Variants in MEIOB observed in about 807,000 individuals in gnomAD.
MEIOB encodes the protein meiosis specific with OB-fold.
In MEIOB, 50 loss-of-function variants were observed where a neutral mutation model predicts 53.1. That is an observed-to-expected ratio of 0.94 (90% CI 0.75 to 1.19). The LOEUF is 1.19. MEIOB is among the 50% of genes most tolerant of loss of function. The pLI, the probability that MEIOB is intolerant of heterozygous loss-of-function variation, is 0.00. For synonymous variants in MEIOB, 192 were observed against 182.5 expected, an observed-to-expected ratio of 1.05 and a Z score of -0.42; for missense variants, 551 against 550.8, an observed-to-expected ratio of 1.00 and a Z score of 0.00.
intron 13 of MEIOB, among the ~76,000 whole-genome samples, chr16:1,835,710 G>A (rs529989946): frequency 2.6e-5 from 4 of 152,136 alleles, no homozygotes; most frequent in Non-Finnish European, 5.9e-5. Context: ...ACAGTGATTC[G>A]AATGACCCTG....
At chr16:1,840,785 C>T (rs1483067079) in intron 11 of MEIOB, among the ~76,000 whole-genome samples, 10 of 151,978 alleles carry the variant, frequency 6.6e-5, no homozygotes, top group Non-Finnish European at 1.2e-4. Flanking sequence ...CTCCTGACCT[C>T]GTGATCCACC....
chr16:1,841,862 AG>A lies in MEIOB; in HGVS notation c.991del (p.Leu331SerfsTer10), dbSNP rs748407866. ...YGILYAYIST[L>X]NIDDETTKVV... is the part of the protein sequence containing the mutation. ...TTTTGTAGTTTCATCATCAATGTTG[AG>A]TGTGGAAATGTAGGCATAAAGGATG... On this transcript the variant is annotated frameshift_variant, in exon 11 of 14. Coordinates refer to ENST00000325962, the MANE Select transcript of MEIOB (RefSeq NM_001163560.3). LOFTEE classifies it high-confidence loss of function. 2 of 1,603,294 alleles carry A rather than the reference AG, an allele frequency of 1.2e-6. No individual in the cohort carries two copies. The highest frequency in any genetic ancestry group is 1.7e-6 in the Non-Finnish European group (2 of 1,175,712).
rs112623793 is a variant in MEIOB at position 1,859,268 on chromosome 16, G to A, written c.332+1135C>T. The stretch of plus-strand genomic sequence containing the variant: ...AGAAAATACAAAAGTTTGGCCAGGC[G>A]CGGTGGCTCACGCCTGTAATCCCAG... On this transcript the variant is annotated intron_variant, in intron 5 of 13. Transcript: ENST00000325962. Among the ~76,000 whole-genome samples the A allele has an allele frequency of 2.8e-3, 425 of 152,324 alleles. 3 individuals carry two copies. The highest frequency in any genetic ancestry group is 9.5e-3 in the African/African-American group (395 of 41,578).
intron 5 of MEIOB, among the ~76,000 whole-genome samples, chr16:1,859,028 G>C (rs1899378260): frequency 6.6e-6 from 1 of 152,172 alleles, no homozygotes; most frequent in Non-Finnish European, 1.5e-5. Context: ...CATATGTGAG[G>C]GGGAGACCCA....
intron 1 of MEIOB, among the ~76,000 whole-genome samples, chr16:1,871,519 CTTT>C (rs71148106): frequency 4.3e-3 from 170 of 39,786 alleles, no homozygotes; most frequent in African/African-American, 0.017. Context: ...GCGCCCGGCC[CTTT>C]TTTTTTTTTT....
At chr16:1,834,949 C>CA (rs1898701617) in intron 13 of MEIOB, among the ~76,000 whole-genome samples, 1 of 142,486 alleles carries the variant, frequency 7.0e-6, no homozygotes, top group Non-Finnish European at 1.5e-5. Context: ...CACCCCCCCC[C>CA]ACTAAAAAAA....
intron 3 of MEIOB, among the ~76,000 whole-genome samples, 198 bp downstream of exon 3, chr16:1,865,580 T>TAG (rs1899573302): frequency 6.6e-6 from 1 of 151,068 alleles, no homozygotes; most frequent in Non-Finnish European, 1.5e-5. Flanking sequence ...TATACATATA[T>TAG]ATAGAGAGAG....
intron 6 of MEIOB, among the ~76,000 whole-genome samples, chr16:1,856,629 T>C (rs776602252): frequency 6.6e-6 from 1 of 152,028 alleles, no homozygotes; most frequent in African/African-American, 2.4e-5. Flanking sequence ...ACCCAGCTAA[T>C]TTTTGTATTT....
intron 4 of MEIOB, 129 bp downstream of exon 4, chr16:1,861,856 A>G: frequency 2.0e-6 from 2 of 986,392 alleles, no homozygotes; most frequent in Non-Finnish European, 2.9e-6. Flanking sequence ...TTAACACTTG[A>G]CTTTTTCTGA....
intron 9 of MEIOB, among the ~76,000 whole-genome samples, chr16:1,849,959 T>G (rs936507516): frequency 6.6e-6 from 1 of 152,240 alleles, no homozygotes; most frequent in Non-Finnish European, 1.5e-5. Flanking sequence ...GTGTATAAAA[T>G]GTATTCAATT....
At chr16:1,856,314 C>T (rs1899301747) in intron 6 of MEIOB, among the ~76,000 whole-genome samples, 1 of 109,810 alleles carries the variant, frequency 9.1e-6, no homozygotes, top group Admixed American at 1.0e-4. Flanking sequence ...TGTCACCATG[C>T]CCAGCTAATT....
chr16:1,871,272 C>T (rs9935513), intron 1 of MEIOB, among the ~76,000 whole-genome samples: 120,662 of 146,486 alleles, frequency 0.82, 49,899 homozygotes, highest in Middle Eastern at 0.9. Context: ...CAGGCTGGAG[C>T]GCAGTGGCGC....
intron 4 of MEIOB, among the ~76,000 whole-genome samples, chr16:1,861,231 T>C (rs1156531406): frequency 6.6e-6 from 1 of 152,230 alleles, no homozygotes; most frequent in Non-Finnish European, 1.5e-5. Flanking sequence ...GTCAAAGAGA[T>C]ACTGGGGTGA....
At chr16:1,839,043 T>C (rs1898826200) in intron 12 of MEIOB, among the ~76,000 whole-genome samples, 2 of 152,216 alleles carry the variant, frequency 1.3e-5, no homozygotes, top group African/African-American at 4.8e-5. Flanking sequence ...CAGTCATTAC[T>C]CATAATAGTA....
At chr16:1,854,433 TG>T (rs1899247150) in intron 6 of MEIOB, among the ~76,000 whole-genome samples, 1 of 152,346 alleles carries the variant, frequency 6.6e-6, no homozygotes, top group South Asian at 2.1e-4. Flanking sequence ...GACAGGTGCT[TG>T]AAGTAGAGAC....
chr16:1,863,246 G>C (rs1232708557), intron 3 of MEIOB, among the ~76,000 whole-genome samples: 1 of 152,006 alleles, frequency 6.6e-6, no homozygotes, highest in Admixed American at 6.6e-5. Context: ...CTGGAGTTCA[G>C]TGACGCGATC....
In MEIOB at chr16:1,868,130, G is replaced by C; in HGVS notation, c.46C>G (p.Leu16Val). Residue 16 changes from leucine to valine, a missense_variant, in exon 2 of 14, where the codon CTG (leucine) becomes GTG (valine). By Grantham distance (32) the Leu-to-Val change is conservative. Coordinates refer to ENST00000325962, the MANE Select transcript of MEIOB (RefSeq NM_001163560.3). ...ACCAGATTAGCCATATTTGTCTGCA[G>C]ATCTGAAAGGGTAGTGAAAATCCTC... The part of the protein sequence containing the change: ...AARIFTTLSD[L>V]QTNMANLKVI... 1 of 1,533,222 alleles carries C rather than the reference G, an allele frequency of 6.5e-7. No individual in the cohort carries two copies. Among genetic ancestry groups the C allele is most frequent in the South Asian group, 1.2e-5 (1 of 81,384 alleles). 95.0% of individuals were successfully genotyped at this position (1,533,222 alleles called of 1,614,324 possible). A position where few individuals can be genotyped will look rare whatever the true frequency, so the allele number is the denominator to read the frequency against.
chr16:1,865,715 C>T, intron 3 of MEIOB, 63 bp downstream of exon 3: 1 of 1,193,738 alleles, frequency 8.4e-7, no homozygotes, highest in Non-Finnish European at 1.2e-6. Context: ...CTTCAATATA[C>T]TTTGTTGTAG....
At chr16:1,867,741 G>T (rs1415099895) in intron 2 of MEIOB, among the ~76,000 whole-genome samples, 1 of 151,590 alleles carries the variant, frequency 6.6e-6, no homozygotes, top group Non-Finnish European at 1.5e-5. Flanking sequence ...CAAAGTGCTG[G>T]GATTACAGAC....
Sources: allele counts gnomAD v4.1 joint callset (sites outside exome capture counted in the v4.1 genomes callset), GRCh38; gene constraint gnomAD v4.1.1; transcripts MANE v1.5; gene names NCBI Gene and HGNC (gene_info 2026-07-23, HGNC 2026-07-21).